ZNF438: variants seen among roughly 807,000 people sequenced by gnomAD.
ZNF438 encodes the protein zinc finger protein 438.
A neutral mutation model predicts 38.0 loss-of-function variants in ZNF438; 25 were observed. That is an observed-to-expected ratio of 0.66 (90% CI 0.48 to 0.92). The LOEUF (loss-of-function observed/expected upper bound fraction) is 0.92, where lower values mean the gene tolerates loss of function less well. Ranked by LOEUF, ZNF438 falls within the 40% of genes least tolerant of loss-of-function variation. ZNF438 has a pLI of 0.00. For missense variants in ZNF438, 1,007 were observed against 999.6 expected (o/e 1.01, Z -0.10); for synonymous variants, 372 against 364.1 (o/e 1.02, Z -0.25).
At chr10:30,913,159 A>C (rs548894710) in intron 2 of ZNF438, among the ~76,000 whole-genome samples, 1 of 152,234 alleles carries the variant, frequency 6.6e-6, no homozygotes, top group African/African-American at 2.4e-5. Flanking sequence ...TACAGATTGC[A>C]AATCTGGACA....
At chr10:30,955,481 C>T (rs550301513) in intron 1 of ZNF438, among the ~76,000 whole-genome samples, 5 of 152,308 alleles carry the variant, frequency 3.3e-5, no homozygotes, top group South Asian at 4.1e-4. Context: ...TCTATCTCCA[C>T]GAAAATTCTC....
chr10:30,990,921 G>T (rs1273046638), intron 1 of ZNF438, among the ~76,000 whole-genome samples: 1 of 151,782 alleles, frequency 6.6e-6, no homozygotes, highest in Non-Finnish European at 1.5e-5. Flanking sequence ...AATGAAGAGT[G>T]CCATAGAATT....
chr10:30,883,257 T>A (rs1401702322), intron 3 of ZNF438, among the ~76,000 whole-genome samples: 1 of 152,212 alleles, frequency 6.6e-6, no homozygotes, highest in Non-Finnish European at 1.5e-5. Flanking sequence ...TATGCTCATT[T>A]ACTTCCTGTA....
At chr10:30,884,629 C>G (rs1013297903) in intron 3 of ZNF438, among the ~76,000 whole-genome samples, 1 of 152,146 alleles carries the variant, frequency 6.6e-6, no homozygotes, top group African/African-American at 2.4e-5. Context: ...AGAATGCAAA[C>G]AGCAAATACA....
intron 2 of ZNF438, among the ~76,000 whole-genome samples, chr10:30,922,126 G>A (rs926860588): frequency 2.0e-5 from 3 of 152,146 alleles, no homozygotes; most frequent in Admixed American, 2.0e-4. Flanking sequence ...ACAATACACA[G>A]TGAGGACATT....
chr10:30,883,757 C>T (rs941932876), intron 3 of ZNF438, among the ~76,000 whole-genome samples: 3 of 152,130 alleles, frequency 2.0e-5, no homozygotes, highest in African/African-American at 4.8e-5. Context: ...TGGCCAGGTG[C>T]GTATCCATAG....
At chr10:30,985,206 G>GGGACA (rs1031647068) in intron 1 of ZNF438, among the ~76,000 whole-genome samples, 1 of 152,160 alleles carries the variant, frequency 6.6e-6, no homozygotes, top group African/African-American at 2.4e-5. Flanking sequence ...GGAGCAGGTA[G>GGGACA]GGACAGCTAA....
intron 3 of ZNF438, among the ~76,000 whole-genome samples, chr10:30,908,677 T>C (rs1177482318): frequency 6.6e-6 from 1 of 152,202 alleles, no homozygotes; most frequent in Non-Finnish European, 1.5e-5. Context: ...TAAAAATATA[T>C]ACAAGTGCAC....
intron 3 of ZNF438, among the ~76,000 whole-genome samples, chr10:30,885,820 G>C (rs749412631): frequency 5.9e-5 from 9 of 152,150 alleles, no homozygotes; most frequent in Non-Finnish European, 8.8e-5. Context: ...CAAAGTAATA[G>C]GGAAAAGTGA....
chr10:30,849,786 C>T, exon 5 of ZNF438: 1 of 1,614,194 alleles, frequency 6.2e-7, no homozygotes, highest in Non-Finnish European at 8.5e-7. Context: ...GTGTTGGTCA[C>T]TGGTGGTCTC....
intron 4 of ZNF438, among the ~76,000 whole-genome samples, chr10:30,856,011 G>A (rs1282657169): frequency 6.6e-6 from 1 of 152,166 alleles, no homozygotes; most frequent in African/African-American, 2.4e-5. Flanking sequence ...TGAATGAAAG[G>A]AAAACGAAAG....
At chr10:30,931,276 A>G (rs111457019) in intron 2 of ZNF438, among the ~76,000 whole-genome samples, 27 of 152,360 alleles carry the variant, frequency 1.8e-4, no homozygotes, top group African/African-American at 6.0e-4. Flanking sequence ...AGCAGAGGAA[A>G]AGGAGTCCAA....
chr10:30,908,998 G>A lies in ZNF438; in HGVS notation c.-97C>T, dbSNP rs557367405. 7 of 152,122 alleles carry A rather than the reference G, an allele frequency of 4.6e-5. No individual in the cohort carries two copies. Among genetic ancestry groups the A allele is most frequent in the Admixed American group, 2.6e-4 (4 of 15,272 alleles). The allele number at this position is 152,122 out of a possible 1,614,324, so 9.4% of individuals were successfully genotyped here. ...AAAATGTTCAGAAGATAAGATGTGC[G>A]TACTTTCTTCAACATACCTAAAAAA... On this transcript the variant is annotated 5_prime_UTR_variant, in exon 3 of 6. The change creates a new upstream start codon in the 5' untranslated region. Coordinates refer to ENST00000413025, the Ensembl canonical transcript of ZNF438.
chr10:30,995,479 A>G (rs746646497), intron 1 of ZNF438, among the ~76,000 whole-genome samples: 82 of 152,228 alleles, frequency 5.4e-4, no homozygotes, highest in Non-Finnish European at 1.3e-4. Context: ...TGTTGCTAGA[A>G]TATCTGTTTC....
chr10:31,029,984 CT>C (rs2057180014), intron 1 of ZNF438, among the ~76,000 whole-genome samples: 1 of 152,220 alleles, frequency 6.6e-6, no homozygotes, highest in Non-Finnish European at 1.5e-5. Flanking sequence ...AGCTGTGCAA[CT>C]TTGGCAAATT....
intron 1 of ZNF438, among the ~76,000 whole-genome samples, chr10:30,973,766 G>A (rs773273202): frequency 2.6e-5 from 4 of 152,064 alleles, no homozygotes; most frequent in East Asian, 3.9e-4. Flanking sequence ...TCCAGAATCC[G>A]GGCAGAACAA....
intron 4 of ZNF438, among the ~76,000 whole-genome samples, chr10:30,850,637 C>T (rs926523121): frequency 6.6e-5 from 10 of 152,176 alleles, no homozygotes; most frequent in African/African-American, 2.4e-4. Flanking sequence ...ATGTGTATCT[C>T]TACTAGTCAA....
intron 1 of ZNF438, among the ~76,000 whole-genome samples, chr10:30,943,836 G>T (rs2047077663): frequency 6.6e-6 from 1 of 150,426 alleles, no homozygotes; most frequent in Admixed American, 6.7e-5. Flanking sequence ...TTTTTTAAAT[G>T]CCATGCTTTT....
intron 4 of ZNF438, among the ~76,000 whole-genome samples, chr10:30,873,527 T>C (rs1043940923): frequency 1.4e-4 from 22 of 152,222 alleles, no homozygotes; most frequent in Non-Finnish European, 2.5e-4. Flanking sequence ...CCTGAACAAA[T>C]GTCATCTCCT....
Sources: gnomAD v4.1 joint callset for allele counts (sites outside exome capture counted in the v4.1 genomes callset) on GRCh38, gnomAD v4.1.1 for gene constraint, MANE v1.5 for transcripts, NCBI Gene and HGNC (gene_info 2026-07-23, HGNC 2026-07-21) for gene names.